Variants in CSMD1 observed in about 807,000 individuals in gnomAD.
CSMD1 encodes CUB and sushi domain-containing protein 1.
CSMD1 carries 213 observed loss-of-function variants against 417.5 expected under a neutral mutation model. The observed-to-expected ratio is 0.51, with a 90% CI of 0.46 to 0.57. CSMD1 has a LOEUF of 0.57. CSMD1 is among the 20% of genes least tolerant of loss of function. The pLI, the probability that CSMD1 is intolerant of heterozygous loss-of-function variation, is 0.00. For synonymous variants in CSMD1, 2,862 were observed against 1,736.8 expected, an observed-to-expected ratio of 1.65 and a Z score of -16.11; for missense variants, 6,923 against 4,529.7, an observed-to-expected ratio of 1.53 and a Z score of -15.17.
chr8:4,405,381 C>T (rs967088088), intron 3 of CSMD1, among the ~76,000 whole-genome samples: 17 of 151,954 alleles, frequency 1.1e-4, no homozygotes, highest in African/African-American at 3.9e-4. Context: ...CTGGCACAAA[C>T]TACTTGTTAC....
chr8:4,937,887 CCTTG>C (rs2117221586), intron 1 of CSMD1, among the ~76,000 whole-genome samples: 1 of 152,154 alleles, frequency 6.6e-6, no homozygotes, highest in African/African-American at 2.4e-5. Context: ...ACAATTTTCA[CCTTG>C]CTTGTTTTTC....
intron 3 of CSMD1, among the ~76,000 whole-genome samples, chr8:4,204,662 A>C (rs1445093586): frequency 6.6e-6 from 1 of 152,062 alleles, no homozygotes; most frequent in African/African-American, 2.4e-5. Context: ...AATTATTATT[A>C]GTAGTATTTT....
intron 2 of CSMD1, among the ~76,000 whole-genome samples, chr8:4,439,465 G>C (rs564353034): frequency 3.4e-4 from 52 of 152,012 alleles, no homozygotes; most frequent in African/African-American, 1.2e-3. Flanking sequence ...ACATTCTTAT[G>C]TTTTCCTACT....
At chr8:2,943,772 T>C (rs1299826421) in intron 68 of CSMD1, among the ~76,000 whole-genome samples, 2 of 152,218 alleles carry the variant, frequency 1.3e-5, no homozygotes, top group Non-Finnish European at 2.9e-5. Context: ...TGGAGTCACT[T>C]AATGCAGGTG....
chr8:3,479,667 A>G (rs933065875), intron 11 of CSMD1, among the ~76,000 whole-genome samples: 1 of 152,228 alleles, frequency 6.6e-6, no homozygotes, highest in African/African-American at 2.4e-5. Context: ...AAAAATATAA[A>G]TAGTACCTAG....
rs187380880 is a variant in CSMD1, at chr8:4,834,783, C to A, written c.85+159549G>T. On this transcript the variant is annotated intron_variant, in intron 1 of 69. Coordinates refer to ENST00000635120, the MANE Select transcript of CSMD1 (RefSeq NM_033225.6). ...CATCCTGGCTAACACGGTGAAACCC[C>A]GTCTCTACTAAAAACACAAAAAAAT... Among the ~76,000 whole-genome samples the A allele has an allele frequency of 2.8e-3, 425 of 151,174 alleles. 3 individuals are homozygous for A. Among genetic ancestry groups the A allele is most frequent in the Non-Finnish European group, 3.9e-3 (263 of 67,770 alleles).
intron 7 of CSMD1, among the ~76,000 whole-genome samples, chr8:3,640,302 G>T (rs113043158): frequency 6.6e-6 from 1 of 152,136 alleles, no homozygotes; most frequent in Non-Finnish European, 1.5e-5. Flanking sequence ...TAGTCTCCAG[G>T]TTTCATGTTC....
intron 3 of CSMD1, among the ~76,000 whole-genome samples, chr8:4,317,885 T>G (rs146572394): frequency 0.014 from 2,124 of 152,322 alleles, 28 homozygotes; most frequent in Non-Finnish European, 0.018. Flanking sequence ...AAATATGTTC[T>G]GTCTTTCAGA....
intron 3 of CSMD1, among the ~76,000 whole-genome samples, chr8:4,175,806 C>G (rs1038503270): frequency 6.6e-6 from 1 of 152,074 alleles, no homozygotes; most frequent in South Asian, 2.1e-4. Flanking sequence ...GGCAATACAA[C>G]AGCATATATA....
intron 3 of CSMD1, among the ~76,000 whole-genome samples, chr8:4,229,844 T>C (rs1184785740): frequency 6.6e-6 from 1 of 152,206 alleles, no homozygotes; most frequent in Non-Finnish European, 1.5e-5. Flanking sequence ...GCCGGGATTT[T>C]ATCGCTTTGG....
chr8:3,221,031 G>GTTT (rs1563155965), intron 28 of CSMD1, among the ~76,000 whole-genome samples: 16 of 151,710 alleles, frequency 1.1e-4, no homozygotes, highest in African/African-American at 2.4e-4. Context: ...TTTGCTTGTT[G>GTTT]GTTTGTTTGT....
intron 5 of CSMD1, among the ~76,000 whole-genome samples, chr8:3,874,755 G>C (rs561045033): frequency 2.2e-4 from 33 of 152,142 alleles, no homozygotes; most frequent in Admixed American, 2.1e-3. Context: ...AACATACCAT[G>C]TCTGTGACGG....
intron 3 of CSMD1, among the ~76,000 whole-genome samples, chr8:4,374,544 C>T (rs1354095248): frequency 2.0e-5 from 3 of 152,040 alleles, no homozygotes; most frequent in Non-Finnish European, 4.4e-5. Context: ...TGGTCAGTCC[C>T]ACTCAAGCGA....
chr8:4,110,776 C>A (rs1034990670), intron 3 of CSMD1, among the ~76,000 whole-genome samples: 1 of 151,986 alleles, frequency 6.6e-6, no homozygotes, highest in African/African-American at 2.4e-5. Context: ...GACATTCAAA[C>A]GAGAGATATT....
chr8:4,581,951 G>A (rs563303516), intron 2 of CSMD1, among the ~76,000 whole-genome samples: 1 of 152,178 alleles, frequency 6.6e-6, no homozygotes, highest in Non-Finnish European at 1.5e-5. Flanking sequence ...AAGAGTTGGG[G>A]CTAAGGAAGC....
At chr8:3,265,086 A>G (rs919619688) in intron 26 of CSMD1, among the ~76,000 whole-genome samples, 1 of 152,222 alleles carries the variant, frequency 6.6e-6, no homozygotes, top group Non-Finnish European at 1.5e-5. Context: ...TCTGTTGAAT[A>G]GCTGCTCTTG....
chr8:3,441,666 T>A (rs1408795006), intron 12 of CSMD1, among the ~76,000 whole-genome samples: 1 of 152,106 alleles, frequency 6.6e-6, no homozygotes, highest in Non-Finnish European at 1.5e-5. Flanking sequence ...ATTGCGCATG[T>A]GTTCCTGGTG....
chr8:4,941,976 TTTAA>T (rs1808033693), intron 1 of CSMD1, among the ~76,000 whole-genome samples: 1 of 152,220 alleles, frequency 6.6e-6, no homozygotes, highest in Non-Finnish European at 1.5e-5. Context: ...ATGTGTTGTT[TTTAA>T]AAGTCATTTA....
intron 2 of CSMD1, among the ~76,000 whole-genome samples, chr8:4,565,538 A>C (rs942123882): frequency 2.0e-5 from 3 of 151,900 alleles, no homozygotes; most frequent in Non-Finnish European, 4.4e-5. Flanking sequence ...TGTTTGAGAC[A>C]AGCCTGGCCA....
Sources: allele counts gnomAD v4.1 joint callset (sites outside exome capture counted in the v4.1 genomes callset), GRCh38; gene constraint gnomAD v4.1.1; transcripts MANE v1.5; gene names NCBI Gene and HGNC (gene_info 2026-07-23, HGNC 2026-07-21).